MAN1A1: variants seen among roughly 807,000 people sequenced by gnomAD.
MAN1A1 encodes mannosidase alpha class 1A member 1, also known as mannosyl-oligosaccharide 1,2-alpha-mannosidase IA.
In MAN1A1, 29 loss-of-function variants were observed where a neutral mutation model predicts 70.8. That is an observed-to-expected ratio of 0.41 (90% CI 0.31 to 0.56). The LOEUF is 0.56. Ranked by LOEUF, MAN1A1 falls within the 20% of genes least tolerant of loss-of-function variation. The pLI is 0.29. For synonymous variants in MAN1A1, 349 were observed against 330.1 expected, an observed-to-expected ratio of 1.06 and a Z score of -0.62; for missense variants, 747 against 841.3, an observed-to-expected ratio of 0.89 and a Z score of 1.39.
chr6:119,337,540 G>C (rs932087287), intron 2 of MAN1A1, among the ~76,000 whole-genome samples: 1 of 152,174 alleles, frequency 6.6e-6, no homozygotes, highest in African/African-American at 2.4e-5. Flanking sequence ...CAATATGATA[G>C]TTCTGGAAGG....
At chr6:119,243,154 T>C (rs1231879600) in intron 6 of MAN1A1, among the ~76,000 whole-genome samples, 2 of 152,126 alleles carry the variant, frequency 1.3e-5, no homozygotes, top group Non-Finnish European at 2.9e-5. Context: ...ATACTCAGGC[T>C]TATATCACTG....
intron 5 of MAN1A1, among the ~76,000 whole-genome samples, chr6:119,256,806 G>C (rs1386665361): frequency 5.3e-5 from 8 of 152,106 alleles, no homozygotes; most frequent in African/African-American, 1.9e-4. Context: ...TGCTCCACAG[G>C]ACAGGCTTAT....
At chr6:119,292,610 A>C (rs1455109323) in intron 4 of MAN1A1, among the ~76,000 whole-genome samples, 1 of 152,066 alleles carries the variant, frequency 6.6e-6, no homozygotes, top group African/African-American at 2.4e-5. Flanking sequence ...TAACAATTAA[A>C]GTCAAGTAAT....
At chr6:119,294,564 C>T (rs1237809825) in intron 4 of MAN1A1, among the ~76,000 whole-genome samples, 1 of 152,066 alleles carries the variant, frequency 6.6e-6, no homozygotes, top group African/African-American at 2.4e-5. Flanking sequence ...GCTTCTAGTA[C>T]ACAGTCTTAC....
intron 5 of MAN1A1, among the ~76,000 whole-genome samples, chr6:119,270,822 A>G (rs1775902585): frequency 6.6e-6 from 1 of 152,258 alleles, no homozygotes; most frequent in African/African-American, 2.4e-5. Flanking sequence ...TATTTATAAT[A>G]CAATAGAATG....
intron 6 of MAN1A1, among the ~76,000 whole-genome samples, chr6:119,247,148 C>T (rs1202938112): frequency 6.6e-6 from 1 of 152,122 alleles, no homozygotes; most frequent in Non-Finnish European, 1.5e-5. Flanking sequence ...GACAGAATGT[C>T]ACTAAAATAA....
At chr6:119,260,083 CA>C (rs1440257232) in intron 5 of MAN1A1, among the ~76,000 whole-genome samples, 1 of 152,116 alleles carries the variant, frequency 6.6e-6, no homozygotes, top group African/African-American at 2.4e-5. Context: ...CATTCTATAT[CA>C]GGGGTCAGCA....
intron 6 of MAN1A1, among the ~76,000 whole-genome samples, chr6:119,236,807 AT>A (rs753181945): frequency 4.1e-4 from 62 of 152,036 alleles, no homozygotes; most frequent in Non-Finnish European, 7.4e-4. Context: ...GATTCCTCTG[AT>A]GGATCTAGGC....
chr6:119,288,235 T>C lies in MAN1A1; in HGVS notation c.897+2448A>G, dbSNP rs78712990. ...CAATGTGGGGTCTATCTACTTCTGA[T>C]GGTGATTTGTTCTTAAAATACTCCT... is the stretch of plus-strand genomic sequence containing the variant. On this transcript the variant is annotated intron_variant, in intron 5 of 12. Coordinates refer to ENST00000368468, the MANE Select transcript of MAN1A1 (RefSeq NM_005907.4). Among the ~76,000 whole-genome samples, 409 of 152,096 alleles carry C rather than the reference T, an allele frequency of 2.7e-3. 2 individuals carry two copies. The highest frequency in any genetic ancestry group is 1.8e-3 in the Non-Finnish European group (120 of 67,892).
rs144520211 is a variant in MAN1A1, at chr6:119,274,373, T to C, written c.897+16310A>G. Reference sequence around the variant, plus strand: ...AATTCATTAAAGTGCTGTCAACATATGGTAGATTTACGAGCTATTTCTAAG... The same window carrying C: ...AATTCATTAAAGTGCTGTCAACATACGGTAGATTTACGAGCTATTTCTAAG... On this transcript the variant is annotated intron_variant, in intron 5 of 12. Coordinates refer to ENST00000368468, the MANE Select transcript of MAN1A1 (RefSeq NM_005907.4). Among the ~76,000 whole-genome samples, 20 of 152,328 alleles carry C rather than the reference T, an allele frequency of 1.3e-4. No individual in the cohort carries two copies. In the East Asian group the frequency reaches 3.9e-3, roughly 29 times the overall value.
intron 5 of MAN1A1, among the ~76,000 whole-genome samples, chr6:119,278,875 C>T (rs907065075): frequency 3.9e-5 from 6 of 152,142 alleles, no homozygotes; most frequent in South Asian, 2.1e-4. Context: ...TGCCTTCTGC[C>T]ATGAGTGGAA....
chr6:119,302,193 G>A (rs11153807), intron 3 of MAN1A1, 90 bp from the exon 4 acceptor site: 235,125 of 630,798 alleles, frequency 0.37, 46,187 homozygotes, highest in Non-Finnish European at 0.41. Flanking sequence ...AGAGGGTAAT[G>A]CTGGATTTAT....
chr6:119,318,050 A>G (rs1420155933), intron 2 of MAN1A1, among the ~76,000 whole-genome samples: 6 of 152,210 alleles, frequency 3.9e-5, no homozygotes, highest in African/African-American at 1.4e-4. Context: ...GGGCATAACA[A>G]TAATAAAAAT....
chr6:119,213,105 A>G (rs1163758116), intron 6 of MAN1A1, among the ~76,000 whole-genome samples: 1 of 152,246 alleles, frequency 6.6e-6, no homozygotes, highest in Non-Finnish European at 1.5e-5. Context: ...TTCTCTTCAA[A>G]TTAAATGCAT....
At chr6:119,296,533 T>C (rs1362230400) in intron 4 of MAN1A1, among the ~76,000 whole-genome samples, 25 of 152,142 alleles carry the variant, frequency 1.6e-4, no homozygotes, top group Admixed American at 1.6e-3. Flanking sequence ...GTAACTTCTT[T>C]CATACTCTAT....
At chr6:119,243,465 T>C (rs1369039364) in intron 6 of MAN1A1, among the ~76,000 whole-genome samples, 2 of 152,078 alleles carry the variant, frequency 1.3e-5, no homozygotes, top group East Asian at 3.8e-4. Flanking sequence ...ATTTAACCTA[T>C]CAGATCATCT....
intron 5 of MAN1A1, among the ~76,000 whole-genome samples, chr6:119,250,251 GA>G (rs1328264244): frequency 2.0e-5 from 3 of 152,132 alleles, no homozygotes; most frequent in Admixed American, 1.3e-4. Flanking sequence ...TCCTTTTCAA[GA>G]AACTTACATA....
At chr6:119,218,778 G>A (rs1485878667) in intron 6 of MAN1A1, among the ~76,000 whole-genome samples, 1 of 152,146 alleles carries the variant, frequency 6.6e-6, no homozygotes, top group Non-Finnish European at 1.5e-5. Flanking sequence ...ATGGCGTACT[G>A]GCCAGAGCTG....
chr6:119,242,924 T>A (rs1215600570), intron 6 of MAN1A1, among the ~76,000 whole-genome samples: 1 of 151,308 alleles, frequency 6.6e-6, no homozygotes, highest in Non-Finnish European at 1.5e-5. Flanking sequence ...GCCAAATGAA[T>A]TAAAATAGAT....
Sources: allele counts gnomAD v4.1 joint callset (sites outside exome capture counted in the v4.1 genomes callset), GRCh38; gene constraint gnomAD v4.1.1; transcripts MANE v1.5; gene names NCBI Gene and HGNC (gene_info 2026-07-23, HGNC 2026-07-21).